Variants in EXOC4 observed in about 807,000 individuals in gnomAD.
The protein encoded by EXOC4 is exocyst complex component 4.
A neutral mutation model predicts 107.2 loss-of-function variants in EXOC4; 71 were observed. The observed-to-expected ratio is 0.66, with a 90% CI of 0.55 to 0.81. EXOC4 has a LOEUF of 0.81. Ranked by LOEUF, EXOC4 falls within the 30% of genes least tolerant of loss-of-function variation. The pLI is 0.00. For synonymous variants in EXOC4, 456 were observed against 441.2 expected (o/e 1.03, Z -0.42); for missense variants, 1,108 against 1,189.6 (o/e 0.93, Z 1.01).
At chr7:133,995,910 T>C (rs1287594950) in intron 14 of EXOC4, among the ~76,000 whole-genome samples, 1 of 152,178 alleles carries the variant, frequency 6.6e-6, no homozygotes, top group Non-Finnish European at 1.5e-5. Flanking sequence ...CTCTACCCTA[T>C]AAGGTGAATG....
chr7:133,639,195 G>T (rs1802786578), intron 10 of EXOC4, among the ~76,000 whole-genome samples: 1 of 152,072 alleles, frequency 6.6e-6, no homozygotes. Flanking sequence ...TTGAGTGTTG[G>T]CTATGCATTG....
intron 5 of EXOC4, among the ~76,000 whole-genome samples, chr7:133,343,093 C>T (rs1302558974): frequency 6.6e-6 from 1 of 152,060 alleles, no homozygotes. Context: ...TGTTACAGAA[C>T]CTTGTTTTGT....
At chr7:133,854,194 A>C (rs11971531) in intron 11 of EXOC4, among the ~76,000 whole-genome samples, 5 of 151,920 alleles carry the variant, frequency 3.3e-5, no homozygotes, top group Non-Finnish European at 7.4e-5. Context: ...CACTTTACAC[A>C]TGCCTCTGCA....
intron 12 of EXOC4, among the ~76,000 whole-genome samples, chr7:133,906,694 C>A (rs1011360256): frequency 6.6e-6 from 1 of 152,320 alleles, no homozygotes; most frequent in Middle Eastern, 3.4e-3. Context: ...CTGTCCACTA[C>A]CGCTGTTTGC....
At chr7:133,661,828 A>G (rs1278056624) in intron 10 of EXOC4, among the ~76,000 whole-genome samples, 3 of 152,106 alleles carry the variant, frequency 2.0e-5, no homozygotes, top group Non-Finnish European at 4.4e-5. Flanking sequence ...CCTGTAAAGC[A>G]TATATAGTCC....
rs568122776 is a variant in EXOC4 at position 133,709,125 on chromosome 7, C to T, written c.1514+78984C>T. ...ACAGCAGGAAGATTTGTAATGGGCA[C>T]TGTGTTCAGAAAGGTTCTGATCAGC... On this transcript the variant is annotated intron_variant, in intron 10 of 17. Coordinates refer to ENST00000253861, the MANE Select transcript of EXOC4 (RefSeq NM_021807.4). Among the ~76,000 whole-genome samples the T allele has an allele frequency of 4.6e-4, 70 of 152,284 alleles. 1 individual carries two copies. The highest frequency in any genetic ancestry group is 9.0e-4 in the Non-Finnish European group (61 of 68,026).
chr7:133,393,080 C>T (rs1055597946), intron 7 of EXOC4, among the ~76,000 whole-genome samples: 2 of 152,144 alleles, frequency 1.3e-5, no homozygotes, highest in African/African-American at 2.4e-5. Flanking sequence ...TACATCTTTC[C>T]TACTGTCCTT....
chr7:133,349,210 GT>G (rs1795854095), intron 5 of EXOC4, among the ~76,000 whole-genome samples: 1 of 151,766 alleles, frequency 6.6e-6, no homozygotes, highest in Non-Finnish European at 1.5e-5. Context: ...GTCCTGCAGT[GT>G]TAAATACATT....
chr7:134,091,710 A>G, the EXOC4 span, among the ~76,000 whole-genome samples: 1 of 152,204 alleles, frequency 6.6e-6, no homozygotes, highest in Non-Finnish European at 1.5e-5. Context: ...AAATGTGGAA[A>G]GTAAATTTAT....
At chr7:133,810,935 A>T (rs1312440736) in intron 10 of EXOC4, among the ~76,000 whole-genome samples, 1 of 152,096 alleles carries the variant, frequency 6.6e-6, no homozygotes, top group Admixed American at 6.6e-5. Flanking sequence ...GCCCGGCCAG[A>T]TCCATGCTTT....
At chr7:133,778,081 C>T (rs1345675194) in intron 10 of EXOC4, among the ~76,000 whole-genome samples, 5 of 152,090 alleles carry the variant, frequency 3.3e-5, no homozygotes, top group African/African-American at 9.7e-5. Flanking sequence ...CAGGCATTCT[C>T]CCAAGAATAT....
chr7:133,688,568 G>T (rs779150589), intron 10 of EXOC4, among the ~76,000 whole-genome samples: 1 of 152,176 alleles, frequency 6.6e-6, no homozygotes, highest in Non-Finnish European at 1.5e-5. Context: ...AGCTTGTGGA[G>T]CTAGAAGAAC....
chr7:133,683,353 A>C (rs557505482), intron 10 of EXOC4, among the ~76,000 whole-genome samples: 1 of 152,150 alleles, frequency 6.6e-6, no homozygotes, highest in East Asian at 1.9e-4. Context: ...TCTACGTCTG[A>C]CTTGTTAATT....
intron 10 of EXOC4, among the ~76,000 whole-genome samples, chr7:133,747,501 G>A (rs1306309075): frequency 2.0e-5 from 3 of 152,014 alleles, no homozygotes; most frequent in African/African-American, 2.4e-5. Context: ...TGGTTAGAAC[G>A]CCAAGAAGAC....
At chr7:134,056,572 A>G (rs1795929637) in intron 17 of EXOC4, among the ~76,000 whole-genome samples, 1 of 152,236 alleles carries the variant, frequency 6.6e-6, no homozygotes, top group South Asian at 2.1e-4. Context: ...ATTCATACAA[A>G]TGGGGTTTGA....
chr7:133,822,426 T>TA (rs1346247567), intron 11 of EXOC4, among the ~76,000 whole-genome samples: 2 of 151,892 alleles, frequency 1.3e-5, no homozygotes, highest in African/African-American at 4.9e-5. Context: ...TTTGACCCCT[T>TA]ACCCATCAAA....
At chr7:133,571,679 C>CA (rs79894289) in intron 9 of EXOC4, among the ~76,000 whole-genome samples, 1,785 of 112,042 alleles carry the variant, frequency 0.016, 10 homozygotes, top group South Asian at 0.028. Context: ...TGCCTCAAAG[C>CA]AAAAAAAAAA....
chr7:133,868,570 T>G (rs967798787), intron 11 of EXOC4, among the ~76,000 whole-genome samples: 3 of 152,170 alleles, frequency 2.0e-5, no homozygotes, highest in Non-Finnish European at 4.4e-5. Flanking sequence ...AAATAGACTT[T>G]CAAGTAATTC....
intron 7 of EXOC4, among the ~76,000 whole-genome samples, chr7:133,428,908 C>T (rs1297700253): frequency 6.6e-6 from 1 of 152,036 alleles, no homozygotes; most frequent in East Asian, 1.9e-4. Context: ...CCCTTTTTCT[C>T]TGATCAGAAG....
Sources: allele counts gnomAD v4.1 joint callset (sites outside exome capture counted in the v4.1 genomes callset), GRCh38; gene constraint gnomAD v4.1.1; transcripts MANE v1.5; gene names NCBI Gene and HGNC (gene_info 2026-07-23, HGNC 2026-07-21).